NUDCD1: variants seen among roughly 807,000 people sequenced by gnomAD.
NUDCD1 encodes NudC domain containing 1, also known as nudC domain-containing protein 1.
In NUDCD1, 60 loss-of-function variants were observed where a neutral mutation model predicts 67.8. The ratio of observed to expected loss-of-function variants is 0.88; its 90% CI spans 0.72 to 1.10. The LOEUF is 1.10. Ranked by LOEUF, NUDCD1 falls within the 50% of genes least tolerant of loss-of-function variation. The pLI is 0.00. For missense variants in NUDCD1, 643 were observed against 695.0 expected, an observed-to-expected ratio of 0.93 and a Z score of 0.84; for synonymous variants, 244 against 230.8, an observed-to-expected ratio of 1.06 and a Z score of -0.52.
intron 5 of NUDCD1, among the ~76,000 whole-genome samples, chr8:109,287,714 CA>C (rs1056263583): frequency 1.1e-4 from 16 of 152,180 alleles, no homozygotes; most frequent in Non-Finnish European, 1.0e-4. Flanking sequence ...ATTCGTACTC[CA>C]AATCTAAGCA....
At chr8:109,329,917 T>G in intron 1 of NUDCD1, 2 of 1,535,594 alleles carry the variant, frequency 1.3e-6, no homozygotes, top group Non-Finnish European at 1.8e-6. Flanking sequence ...CGAAGTATGA[T>G]AAAGTCTATG....
chr8:109,299,180 C>G (rs1218971848), intron 2 of NUDCD1, among the ~76,000 whole-genome samples: 1 of 152,154 alleles, frequency 6.6e-6, no homozygotes, highest in Non-Finnish European at 1.5e-5. Context: ...AGGCACCGGG[C>G]AAAGGCCACA....
intron 8 of NUDCD1, among the ~76,000 whole-genome samples, chr8:109,265,531 A>G (rs1015164808): frequency 4.6e-5 from 7 of 152,310 alleles, no homozygotes; most frequent in African/African-American, 1.7e-4. Flanking sequence ...CATTAACTTA[A>G]AAGAATTATT....
intron 8 of NUDCD1, among the ~76,000 whole-genome samples, chr8:109,253,527 T>A (rs1032627632): frequency 6.6e-6 from 1 of 152,052 alleles, no homozygotes; most frequent in Non-Finnish European, 1.5e-5. Context: ...TAGTTATCCA[T>A]GAGATCTAAA....
intron 1 of NUDCD1, among the ~76,000 whole-genome samples, chr8:109,328,992 A>C (rs1815744117): frequency 6.6e-6 from 1 of 152,216 alleles, no homozygotes; most frequent in Non-Finnish European, 1.5e-5. Flanking sequence ...TTATTGCTAC[A>C]TGTACTCCAT....
chr8:109,243,955 T>A (rs1227576887), intron 9 of NUDCD1, among the ~76,000 whole-genome samples: 1 of 152,154 alleles, frequency 6.6e-6, no homozygotes, highest in Non-Finnish European at 1.5e-5. Flanking sequence ...AAAATCCTTA[T>A]CTTAATTCAT....
chr8:109,257,394 C>T (rs752107633), intron 8 of NUDCD1, among the ~76,000 whole-genome samples: 4 of 151,902 alleles, frequency 2.6e-5, no homozygotes, highest in South Asian at 2.1e-4. Context: ...TACAAAATAT[C>T]GGGATTAAAT....
At chr8:109,328,409 G>T (rs1306397940) in intron 1 of NUDCD1, among the ~76,000 whole-genome samples, 1 of 152,154 alleles carries the variant, frequency 6.6e-6, no homozygotes, top group Non-Finnish European at 1.5e-5. Context: ...TCTGTCATTA[G>T]ACAGAGTAGC....
chr8:109,285,055 G>C (rs889375852), intron 5 of NUDCD1, among the ~76,000 whole-genome samples: 2 of 149,842 alleles, frequency 1.3e-5, no homozygotes, highest in African/African-American at 2.4e-5. Context: ...ACACAAACTA[G>C]AAAATCCAGA....
Position 109,275,433 on chromosome 8 carries a change from A to G in NUDCD1, c.1092T>C (p.Asp364=). ...AATCTCTTATAAGTTCCCCTTGTTT[A>G]TCTCCAATTACTAGCTCTGGCCAGG... ...GLTWPELVIG[D]KQGELIRDSA... Residue 364 remains aspartate (D), a synonymous_variant, in exon 7 of 10, where the codon GAT becomes GAC. Coordinates refer to ENST00000239690, the MANE Select transcript of NUDCD1 (RefSeq NM_032869.4). 1 of 1,613,766 alleles carries G rather than the reference A, an allele frequency of 6.2e-7. No homozygotes were observed. The highest frequency in any genetic ancestry group is 2.2e-5 in the East Asian group (1 of 44,852).
At chr8:109,275,180 A>G (rs1204579078) in intron 7 of NUDCD1, among the ~76,000 whole-genome samples, 172 bp downstream of exon 7, 1 of 152,170 alleles carries the variant, frequency 6.6e-6, no homozygotes, top group Non-Finnish European at 1.5e-5. Flanking sequence ...ACATAGTGTA[A>G]GAAATAAATA....
At position 109,243,845 on chromosome 8, in the gene NUDCD1, A is replaced by G. The variant is rs534657127; in HGVS notation, c.1460-544T>C. 7.9e-5 allele frequency among the ~76,000 whole-genome samples: 12 copies of G among 152,272 alleles called. No individual in the cohort carries two copies. In the South Asian group the frequency reaches 2.5e-3, roughly 32 times the overall value. On this transcript the variant is annotated intron_variant, in intron 9 of 9. Transcript: ENST00000239690. ...ATGTTAGTGATATTTTTATACATCA[A>G]TACCAACACTGTAACTGGATTTTTT...
chr8:109,246,017 A>G (rs1157552679), intron 8 of NUDCD1, among the ~76,000 whole-genome samples: 1 of 152,180 alleles, frequency 6.6e-6, no homozygotes, highest in African/African-American at 2.4e-5. Flanking sequence ...CAAGGGATCT[A>G]GGCTGTCTGC....
rs557598333 is a variant in NUDCD1 at position 109,327,210 on chromosome 8, T to G, written c.119-4747A>C. On this transcript the variant is annotated intron_variant, in intron 1 of 9. Coordinates refer to ENST00000239690, the MANE Select transcript of NUDCD1 (RefSeq NM_032869.4). ...AGTCCACAAATTCTAAAGCGAGACT[T>G]AAAGAACACGGGAGGACCAGAGTTA... Among the ~76,000 whole-genome samples the G allele has an allele frequency of 2.0e-5, 3 of 152,264 alleles. No homozygotes were observed. The East Asian group carries it at 5.8e-4, about 29-fold the overall frequency.
chr8:109,241,995 T>C lies in NUDCD1; in HGVS notation c.*1014A>G, dbSNP rs929903344. On this transcript the variant is annotated 3_prime_UTR_variant, in exon 10 of 10. Coordinates refer to ENST00000239690, the MANE Select transcript of NUDCD1 (RefSeq NM_032869.4). ...AAATTTGTGGCAAGAAACTATAACA[T>C]ATAAACAGGATTATTTTGTTGAAGT... The C allele has an allele frequency of 2.5e-6, 1 of 397,560 alleles. No homozygotes were observed. The highest frequency in any genetic ancestry group is 3.6e-5 in the East Asian group (1 of 28,048). The allele number at this position is 397,560 out of a possible 1,614,324, so 24.6% of individuals were successfully genotyped here. A position where few individuals can be genotyped will look rare whatever the true frequency, so the allele number is the denominator to read the frequency against.
At chr8:109,332,579 C>G (rs531098199) in intron 1 of NUDCD1, among the ~76,000 whole-genome samples, 52 of 152,146 alleles carry the variant, frequency 3.4e-4, no homozygotes, top group Non-Finnish European at 6.0e-4. Flanking sequence ...CCCAGCAGAT[C>G]CATTACTGAA....
chr8:109,243,886 C>T (rs1318025101), intron 9 of NUDCD1, among the ~76,000 whole-genome samples: 4 of 151,970 alleles, frequency 2.6e-5, no homozygotes, highest in Non-Finnish European at 5.9e-5. Context: ...TTTTAGCCCC[C>T]ACAAGTAGAA....
intron 2 of NUDCD1, among the ~76,000 whole-genome samples, chr8:109,304,752 C>G (rs997096528): frequency 2.0e-5 from 3 of 152,150 alleles, no homozygotes; most frequent in Non-Finnish European, 4.4e-5. Flanking sequence ...CAAAAGGCAT[C>G]AGATCCCATC....
intron 5 of NUDCD1, among the ~76,000 whole-genome samples, chr8:109,281,896 T>C (rs1234037483): frequency 6.6e-6 from 1 of 152,164 alleles, no homozygotes. Flanking sequence ...TGAGTTAACC[T>C]ACATCTCCTG....
Sources: allele counts gnomAD v4.1 joint callset (sites outside exome capture counted in the v4.1 genomes callset), GRCh38; gene constraint gnomAD v4.1.1; transcripts MANE v1.5; gene names NCBI Gene and HGNC (gene_info 2026-07-23, HGNC 2026-07-21).